Variants in ASTN2 observed in about 807,000 individuals in gnomAD.
The protein encoded by ASTN2 is astrotactin 2, also known as astrotactin-2.
In ASTN2, 54 loss-of-function variants were observed where a neutral mutation model predicts 139.8. The observed-to-expected ratio is 0.39, with a 90% CI of 0.31 to 0.48. ASTN2 has a LOEUF of 0.48. Ranked by LOEUF, ASTN2 falls within the 20% of genes least tolerant of loss-of-function variation. The pLI is 0.95. For synonymous variants in ASTN2, 756 were observed against 719.5 expected (o/e 1.05, Z -0.81); for missense variants, 1,565 against 1,725.1 (o/e 0.91, Z 1.64).
chr9:116,603,484 G>C (rs1413247652), intron 19 of ASTN2, among the ~76,000 whole-genome samples: 1 of 152,150 alleles, frequency 6.6e-6, no homozygotes, highest in Non-Finnish European at 1.5e-5. Context: ...GTGAGAGACT[G>C]GATTGTTGGA....
intron 1 of ASTN2, among the ~76,000 whole-genome samples, chr9:117,380,177 A>G (rs768485243): frequency 6.6e-6 from 1 of 152,200 alleles, no homozygotes; most frequent in Non-Finnish European, 1.5e-5. Flanking sequence ...TGAAAATACA[A>G]TAGAAGGGTT....
At chr9:117,301,634 T>A (rs1161764044) in intron 1 of ASTN2, among the ~76,000 whole-genome samples, 1 of 152,136 alleles carries the variant, frequency 6.6e-6, no homozygotes, top group Non-Finnish European at 1.5e-5. Context: ...AGGAATCAAG[T>A]GTATGCCAGG....
intron 1 of ASTN2, among the ~76,000 whole-genome samples, chr9:117,312,048 T>G (rs977303870): frequency 6.6e-6 from 1 of 152,114 alleles, no homozygotes; most frequent in Non-Finnish European, 1.5e-5. Context: ...TCCCTCCCCA[T>G]CTTGCAATAG....
chr9:117,152,322 C>T (rs919731812), intron 3 of ASTN2, among the ~76,000 whole-genome samples: 10 of 152,140 alleles, frequency 6.6e-5, no homozygotes, highest in South Asian at 2.1e-4. Flanking sequence ...GGTAACCGAT[C>T]GCCTTTGACT....
intron 10 of ASTN2, among the ~76,000 whole-genome samples, chr9:116,866,193 T>C (rs2132345139): frequency 6.6e-6 from 1 of 152,320 alleles, no homozygotes; most frequent in South Asian, 2.1e-4. Context: ...CCCAGCACAG[T>C]CTGGAAGGAA....
At position 116,615,930 on chromosome 9, in the gene ASTN2, AAAC is replaced by A. The variant is rs200285194; in HGVS notation, c.3355+2391_3355+2393del. Among the ~76,000 whole-genome samples, 934 of 152,276 alleles carry A rather than the reference AAAC, an allele frequency of 6.1e-3. 14 individuals carry two copies. Among genetic ancestry groups the A allele is most frequent in the African/African-American group, 0.022 (896 of 41,562 alleles). ...CGATGTAATCAAACACTACATTAAA[AAAC>A]AACAACAACATACAATTAGCATCAT... On this transcript the variant is annotated intron_variant, in intron 19 of 22. Coordinates refer to ENST00000313400, the MANE Select transcript of ASTN2 (RefSeq NM_001365068.1).
intron 19 of ASTN2, among the ~76,000 whole-genome samples, chr9:116,509,753 T>C (rs1850283723): frequency 6.6e-6 from 1 of 152,216 alleles, no homozygotes; most frequent in South Asian, 2.1e-4. Context: ...ATTTCTCTGA[T>C]GGCTAGTGAT....
At chr9:116,586,837 C>CACACACACAT (rs1554717129) in intron 19 of ASTN2, among the ~76,000 whole-genome samples, 48 of 149,328 alleles carry the variant, frequency 3.2e-4, no homozygotes, top group Non-Finnish European at 5.5e-4. Context: ...TACATACACA[C>CACACACACAT]ACACACACAC....
intron 5 of ASTN2, among the ~76,000 whole-genome samples, chr9:117,040,464 T>C (rs1034639737): frequency 1.3e-5 from 2 of 152,224 alleles, no homozygotes; most frequent in African/African-American, 2.4e-5. Flanking sequence ...TTCTTTCTTT[T>C]TCTTTTTTGT....
intron 4 of ASTN2, among the ~76,000 whole-genome samples, chr9:117,106,397 G>A (rs941274308): frequency 2.1e-4 from 32 of 151,730 alleles, no homozygotes; most frequent in African/African-American, 5.1e-4. Flanking sequence ...GGATTTTGCC[G>A]TGTTGGCCAG....
intron 10 of ASTN2, among the ~76,000 whole-genome samples, chr9:116,890,673 T>C (rs766685009): frequency 1.3e-5 from 2 of 152,188 alleles, no homozygotes; most frequent in African/African-American, 2.4e-5. Context: ...AATGTATTCA[T>C]GGCACTGCTG....
At position 117,042,247 on chromosome 9, in the gene ASTN2, G is replaced by A. The variant is rs190076630; in HGVS notation, c.1277-2282C>T. On this transcript the variant is annotated intron_variant, in intron 5 of 22. Transcript: ENST00000313400. ...AGAACAAGAACCGTTACAACAGCCC[G>A]TTGGGGTATTGCCTGTATGGAAATC... Among the ~76,000 whole-genome samples, 466 of 152,264 alleles carry A rather than the reference G, an allele frequency of 3.1e-3. 2 individuals are homozygous for A. The highest frequency in any genetic ancestry group is 0.011 in the African/African-American group (439 of 41,562).
intron 1 of ASTN2, among the ~76,000 whole-genome samples, chr9:117,345,635 A>T (rs1829192108): frequency 6.6e-6 from 1 of 152,184 alleles, no homozygotes; most frequent in Non-Finnish European, 1.5e-5. Flanking sequence ...AATGCAGGTT[A>T]CAACTGGTGT....
At chr9:117,381,519 C>T (rs193262991) in intron 1 of ASTN2, among the ~76,000 whole-genome samples, 1 of 152,186 alleles carries the variant, frequency 6.6e-6, no homozygotes, top group Admixed American at 6.5e-5. Context: ...GATATGATCA[C>T]TTAAAAGTGT....
chr9:117,306,983 G>A (rs749628521), intron 1 of ASTN2, among the ~76,000 whole-genome samples: 2 of 152,182 alleles, frequency 1.3e-5, no homozygotes, highest in Non-Finnish European at 2.9e-5. Context: ...ACTGGCATTG[G>A]GAACATTGGG....
At chr9:116,459,249 T>C (rs1554766613) in intron 20 of ASTN2, among the ~76,000 whole-genome samples, 1 of 152,044 alleles carries the variant, frequency 6.6e-6, no homozygotes, top group Non-Finnish European at 1.5e-5. Context: ...TCACACCATG[T>C]ATAAAAATTA....
chr9:117,400,414 C>T (rs1830794254), intron 1 of ASTN2, among the ~76,000 whole-genome samples: 1 of 152,108 alleles, frequency 6.6e-6, no homozygotes, highest in Non-Finnish European at 1.5e-5. Flanking sequence ...GGGCGATTCC[C>T]TAGAGGCTTC....
chr9:117,308,340 C>G (rs1050020126), intron 1 of ASTN2, among the ~76,000 whole-genome samples: 5 of 152,214 alleles, frequency 3.3e-5, no homozygotes, highest in African/African-American at 1.2e-4. Flanking sequence ...CACTGCAATT[C>G]ATGCTCAACA....
chr9:116,704,454 G>C (rs1490725930), intron 16 of ASTN2, among the ~76,000 whole-genome samples: 1 of 152,152 alleles, frequency 6.6e-6, no homozygotes, highest in Non-Finnish European at 1.5e-5. Flanking sequence ...AGTTTTCCTT[G>C]GTAAAAGAAA....
Sources: gnomAD v4.1 joint callset for allele counts (sites outside exome capture counted in the v4.1 genomes callset) on GRCh38, gnomAD v4.1.1 for gene constraint, MANE v1.5 for transcripts, NCBI Gene and HGNC (gene_info 2026-07-23, HGNC 2026-07-21) for gene names.